Variants in PTPN9 observed in about 807,000 individuals in gnomAD.
PTPN9 encodes the protein tyrosine-protein phosphatase non-receptor type 9.
Under a neutral mutation model 69.8 loss-of-function variants are expected in PTPN9, and 26 were observed. That is an observed-to-expected ratio of 0.37 (90% CI 0.27 to 0.52). The LOEUF (loss-of-function observed/expected upper bound fraction) is 0.52. Among genes scored for constraint, PTPN9 ranks in the 20% least tolerant of loss-of-function variants. The pLI is 0.91. For synonymous variants in PTPN9, 274 were observed against 272.5 expected (o/e 1.01, Z -0.05); for missense variants, 549 against 740.3 (o/e 0.74, Z 3.00).
chr15:75,522,755 C>T (rs2074910880), intron 4 of PTPN9, among the ~76,000 whole-genome samples: 1 of 152,066 alleles, frequency 6.6e-6, no homozygotes, highest in South Asian at 2.1e-4. Context: ...GGCATTATTC[C>T]TGTTATGCAG....
intron 1 of PTPN9, among the ~76,000 whole-genome samples, chr15:75,566,666 C>A (rs1454906829): frequency 6.6e-6 from 1 of 150,596 alleles, no homozygotes; most frequent in Non-Finnish European, 1.5e-5. Context: ...GCGACAGAGT[C>A]TCACTCTGTC....
Position 75,578,685 on chromosome 15 carries a change from C to A in PTPN9, c.63+29G>T, listed in dbSNP as rs2075184964. 8.8e-6 allele frequency: 12 copies of A among 1,364,842 alleles called. No individual in the cohort carries two copies. In the East Asian group the frequency reaches 3.8e-4, roughly 43 times the overall value. The allele number at this position is 1,364,842 out of a possible 1,614,324, so 84.5% of individuals were successfully genotyped here. ...CGTAGGCCTCGGGGGCCCGGACACA[C>A]CCAACGCGGCGGCCTCGGGCCCGCT... On this transcript the variant is annotated intron_variant, in intron 1 of 12. Transcript: ENST00000618819.
intron 1 of PTPN9, among the ~76,000 whole-genome samples, chr15:75,576,645 T>C (rs1273766295): frequency 6.6e-6 from 1 of 151,384 alleles, no homozygotes; most frequent in Non-Finnish European, 1.5e-5. Flanking sequence ...CCGCGTCTAC[T>C]AAAAATACAA....
chr15:75,486,434 T>C (rs994402438), intron 8 of PTPN9, among the ~76,000 whole-genome samples: 18 of 152,258 alleles, frequency 1.2e-4, no homozygotes, highest in Admixed American at 1.0e-3. Context: ...GAGTAGACAG[T>C]GGTCTATGAA....
At chr15:75,553,031 G>A (rs190331650) in intron 1 of PTPN9, among the ~76,000 whole-genome samples, 354 of 151,962 alleles carry the variant, frequency 2.3e-3, no homozygotes, top group African/African-American at 8.2e-3. Flanking sequence ...TTAGAATCCA[G>A]GCAAGTTACT....
At chr15:75,507,444 C>T (rs1490814502) in intron 6 of PTPN9, among the ~76,000 whole-genome samples, 3 of 100,048 alleles carry the variant, frequency 3.0e-5, no homozygotes, top group African/African-American at 1.5e-4. Context: ...AAAACTCTGT[C>T]GCAAAAAAAA....
At chr15:75,534,850 G>A (rs2074976560) in intron 1 of PTPN9, among the ~76,000 whole-genome samples, 3 of 151,978 alleles carry the variant, frequency 2.0e-5, no homozygotes, top group South Asian at 4.2e-4. Context: ...GCTTGCGCCT[G>A]TAATCCCAGC....
intron 1 of PTPN9, among the ~76,000 whole-genome samples, chr15:75,563,239 A>C (rs2075112481): frequency 6.6e-6 from 1 of 152,072 alleles, no homozygotes; most frequent in Admixed American, 6.6e-5. Flanking sequence ...CCCAGTCTAG[A>C]GTGCAGTGGT....
intron 9 of PTPN9, among the ~76,000 whole-genome samples, chr15:75,475,932 A>C (rs963604245): frequency 1.3e-5 from 2 of 152,150 alleles, no homozygotes; most frequent in African/African-American, 4.8e-5. Context: ...TGAGCCCAGA[A>C]GTTTGAGACC....
intron 1 of PTPN9, among the ~76,000 whole-genome samples, chr15:75,531,148 G>A (rs1275011016): frequency 1.3e-5 from 2 of 151,220 alleles, no homozygotes; most frequent in Non-Finnish European, 2.9e-5. Context: ...TTCTAGGAAA[G>A]GACAAAAGTA....
At chr15:75,505,604 A>T in intron 7 of PTPN9, 71 bp downstream of exon 7, 1 of 1,163,468 alleles carries the variant, frequency 8.6e-7, no homozygotes, top group East Asian at 2.3e-5. Flanking sequence ...TGAGGGGTGG[A>T]AGGAGCTGTT....
At chr15:75,515,007 A>G (rs1216870070) in intron 5 of PTPN9, among the ~76,000 whole-genome samples, 8 of 152,200 alleles carry the variant, frequency 5.3e-5, no homozygotes, top group African/African-American at 1.9e-4. Context: ...AAATCTTCAC[A>G]GACTTTAGGA....
At chr15:75,527,912 T>C (rs2074937999) in intron 1 of PTPN9, among the ~76,000 whole-genome samples, 1 of 151,782 alleles carries the variant, frequency 6.6e-6, no homozygotes, top group Non-Finnish European at 1.5e-5. Flanking sequence ...GGCCAGGCCT[T>C]CCGAAGGATT....
intron 1 of PTPN9, among the ~76,000 whole-genome samples, chr15:75,544,867 T>C (rs962540628): frequency 6.6e-6 from 1 of 152,116 alleles, no homozygotes; most frequent in Non-Finnish European, 1.5e-5. Context: ...AAAGGAGGAA[T>C]GTGAATGGCT....
chr15:75,496,975 T>C (rs902390617), intron 7 of PTPN9, among the ~76,000 whole-genome samples: 3 of 152,286 alleles, frequency 2.0e-5, no homozygotes, highest in Admixed American at 1.3e-4. Context: ...AAAAATTATT[T>C]GCATATATTA....
chr15:75,518,512 T>C (rs955887289), intron 4 of PTPN9, among the ~76,000 whole-genome samples: 1 of 146,702 alleles, frequency 6.8e-6, no homozygotes, highest in African/African-American at 2.5e-5. Context: ...AAAAGTAGAT[T>C]AACAGGTATT....
intron 1 of PTPN9, among the ~76,000 whole-genome samples, chr15:75,572,105 G>A (rs528265331): frequency 1.3e-5 from 2 of 152,118 alleles, no homozygotes; most frequent in African/African-American, 4.8e-5. Flanking sequence ...GCTGAGGCAC[G>A]TGGATTACCT....
At chr15:75,512,322 C>CTCCT (rs1425963163) in intron 5 of PTPN9, among the ~76,000 whole-genome samples, 2 of 151,910 alleles carry the variant, frequency 1.3e-5, no homozygotes, top group Non-Finnish European at 2.9e-5. Flanking sequence ...CTGCCTCAGC[C>CTCCT]TCCTGGGTAG....
At position 75,554,008 on chromosome 15, in the gene PTPN9, T is replaced by C. The variant is rs1415057319; in HGVS notation, c.63+24706A>G. Among the ~76,000 whole-genome samples, 4 of 69,756 alleles carry C rather than the reference T, an allele frequency of 5.7e-5. 1 individual carries two copies. Among genetic ancestry groups the C allele is most frequent in the African/African-American group, 1.8e-4 (2 of 11,428 alleles). 45.8% of individuals were successfully genotyped at this position (69,756 alleles called of 152,430 possible). A position where few individuals can be genotyped will look rare whatever the true frequency, so the allele number is the denominator to read the frequency against. On this transcript the variant is annotated intron_variant, in intron 1 of 12. Transcript: ENST00000618819. ...CTGCTAGACCAATACTTTCTTTCTT[T>C]TTTTTTTTTTTTTTTGATTTTTTTT...
Sources: gnomAD v4.1 joint callset for allele counts (sites outside exome capture counted in the v4.1 genomes callset) on GRCh38, gnomAD v4.1.1 for gene constraint, MANE v1.5 for transcripts, NCBI Gene and HGNC (gene_info 2026-07-23, HGNC 2026-07-21) for gene names.